The following MACROD2 variants were observed in gnomAD, a reference collection of about 807,000 sequenced individuals.
MACROD2 encodes the protein ADP-ribose glycohydrolase MACROD2.
MACROD2 carries 36 observed loss-of-function variants against 70.4 expected under a neutral mutation model. That is an observed-to-expected ratio of 0.51 (90% CI 0.39 to 0.68). MACROD2 has a LOEUF of 0.68. MACROD2 is among the 30% of genes least tolerant of loss of function. The pLI is 0.00. For synonymous variants in MACROD2, 172 were observed against 178.8 expected (o/e 0.96, Z 0.30); for missense variants, 496 against 538.4 (o/e 0.92, Z 0.78).
intron 3 of MACROD2, among the ~76,000 whole-genome samples, chr20:14,331,710 G>A (rs2082844590): frequency 6.6e-6 from 1 of 152,026 alleles, no homozygotes; most frequent in South Asian, 2.1e-4. Context: ...AGATTTTTGG[G>A]TTTTGGTTTT....
chr20:15,874,065 G>GC (rs1296276083), intron 9 of MACROD2, among the ~76,000 whole-genome samples: 13 of 38,442 alleles, frequency 3.4e-4, no homozygotes, highest in East Asian at 7.0e-4. Flanking sequence ...CCCTCCCCCA[G>GC]CCCCCCCACC....
At chr20:14,412,859 A>G (rs1165198194) in intron 3 of MACROD2, among the ~76,000 whole-genome samples, 1 of 152,234 alleles carries the variant, frequency 6.6e-6, no homozygotes, top group African/African-American at 2.4e-5. Flanking sequence ...GTTGAATCTC[A>G]GGCAGCAGAG....
chr20:14,408,249 T>G (rs1195597794), intron 3 of MACROD2, among the ~76,000 whole-genome samples: 1 of 152,178 alleles, frequency 6.6e-6, no homozygotes, highest in Non-Finnish European at 1.5e-5. Context: ...CAATGTCCAA[T>G]ATTTATTTAG....
chr20:14,885,280 C>T (rs931291397), intron 5 of MACROD2, among the ~76,000 whole-genome samples: 3 of 152,006 alleles, frequency 2.0e-5, no homozygotes, highest in Non-Finnish European at 4.4e-5. Context: ...TCTTCTTGAC[C>T]CACCCTAGAA....
At chr20:15,925,881 T>C (rs1462500787) in intron 10 of MACROD2, among the ~76,000 whole-genome samples, 1 of 152,214 alleles carries the variant, frequency 6.6e-6, no homozygotes, top group Non-Finnish European at 1.5e-5. Context: ...TTGTCTGTCC[T>C]AATGGTTGAA....
chr20:14,994,877 G>T (rs12481688), intron 5 of MACROD2, among the ~76,000 whole-genome samples: 19,125 of 152,030 alleles, frequency 0.13, 1,544 homozygotes, highest in South Asian at 0.22. Flanking sequence ...GGTGGCTCAT[G>T]CCTGTAATTC....
intron 8 of MACROD2, among the ~76,000 whole-genome samples, chr20:15,641,611 C>T (rs991789468): frequency 6.6e-6 from 1 of 152,094 alleles, no homozygotes; most frequent in Non-Finnish European, 1.5e-5. Context: ...ACAGGGGCAG[C>T]GTGCATTTTG....
intron 8 of MACROD2, among the ~76,000 whole-genome samples, chr20:15,833,048 T>C (rs1329378511): frequency 1.3e-5 from 2 of 152,184 alleles, no homozygotes; most frequent in African/African-American, 4.8e-5. Context: ...TGTAAAATTA[T>C]CTGGAAAAAA....
intron 12 of MACROD2, among the ~76,000 whole-genome samples, chr20:15,956,670 A>T (rs1185004273): frequency 6.6e-6 from 1 of 152,218 alleles, no homozygotes; most frequent in Non-Finnish European, 1.5e-5. Context: ...CAGCGGTGTC[A>T]TCTGGGAACT....
intron 4 of MACROD2, among the ~76,000 whole-genome samples, chr20:14,657,451 T>A (rs1055685335): frequency 5.9e-5 from 9 of 152,324 alleles, no homozygotes; most frequent in African/African-American, 2.2e-4. Context: ...ACTGCAGGGC[T>A]ATGCATGGAA....
chr20:14,742,827 C>T (rs947705630), intron 5 of MACROD2, among the ~76,000 whole-genome samples: 22 of 150,988 alleles, frequency 1.5e-4, no homozygotes, highest in Admixed American at 7.3e-4. Context: ...AGTGCAGTGA[C>T]GGGATCTCGG....
chr20:15,706,202 G>C (rs1022561476), intron 8 of MACROD2, among the ~76,000 whole-genome samples: 3 of 152,206 alleles, frequency 2.0e-5, no homozygotes, highest in Admixed American at 2.0e-4. Flanking sequence ...TAGCTTGCTG[G>C]AGTTGCTAGA....
intron 4 of MACROD2, among the ~76,000 whole-genome samples, chr20:14,657,867 T>A (rs1568723825): frequency 6.6e-6 from 1 of 152,150 alleles, no homozygotes; most frequent in Non-Finnish European, 1.5e-5. Flanking sequence ...TGCTTCTGAC[T>A]TCTAAGTCAC....
chr20:15,179,669 G>A (rs550111224), intron 5 of MACROD2, among the ~76,000 whole-genome samples: 1 of 152,308 alleles, frequency 6.6e-6, no homozygotes, highest in Non-Finnish European at 1.5e-5. Flanking sequence ...TCCACAGGAT[G>A]CTGAGAGCAC....
At chr20:14,247,083 T>C (rs1324451769) in intron 3 of MACROD2, among the ~76,000 whole-genome samples, 2 of 152,224 alleles carry the variant, frequency 1.3e-5, no homozygotes, top group Non-Finnish European at 2.9e-5. Flanking sequence ...AACGAATCTG[T>C]GCATTCATAA....
At chr20:14,855,609 T>TG (rs1259885867) in intron 5 of MACROD2, among the ~76,000 whole-genome samples, 15 of 146,850 alleles carry the variant, frequency 1.0e-4, no homozygotes, top group Admixed American at 6.2e-4. Context: ...TTTTTTTTTT[T>TG]TTTTTTTTTT....
chr20:14,506,047 TGGG>T (rs1280152750), intron 4 of MACROD2, among the ~76,000 whole-genome samples: 2 of 152,066 alleles, frequency 1.3e-5, no homozygotes, highest in Non-Finnish European at 2.9e-5. Context: ...TTGGGAGTGT[TGGG>T]GGGTGGGCAG....
intron 4 of MACROD2, among the ~76,000 whole-genome samples, chr20:14,515,757 G>C (rs967925073): frequency 6.6e-6 from 1 of 151,926 alleles, no homozygotes; most frequent in African/African-American, 2.4e-5. Flanking sequence ...ATTCCATTTA[G>C]ACTGGAGGAA....
intron 3 of MACROD2, among the ~76,000 whole-genome samples, chr20:14,109,251 G>A (rs779265324): frequency 3.3e-5 from 5 of 151,534 alleles, no homozygotes; most frequent in Non-Finnish European, 5.9e-5. Flanking sequence ...CAAAACCTAT[G>A]GGGTATAAAG....
Sources: gnomAD v4.1 joint callset for allele counts (sites outside exome capture counted in the v4.1 genomes callset) on GRCh38, gnomAD v4.1.1 for gene constraint, MANE v1.5 for transcripts, NCBI Gene and HGNC (gene_info 2026-07-23, HGNC 2026-07-21) for gene names.